Variants in CADPS observed in about 807,000 individuals in gnomAD.
CADPS encodes calcium dependent secretion activator, also known as calcium-dependent secretion activator 1.
Under a neutral mutation model 167.3 loss-of-function variants are expected in CADPS, and 57 were observed. That is an observed-to-expected ratio of 0.34 (90% CI 0.28 to 0.42). CADPS has a LOEUF of 0.42. CADPS is among the 20% of genes least tolerant of loss of function. The pLI is 1.00. For synonymous variants in CADPS, 676 were observed against 635.3 expected (o/e 1.06, Z -0.96); for missense variants, 1,414 against 1,738.1 (o/e 0.81, Z 3.32).
chr3:62,871,806 C>T (rs992710369), intron 1 of CADPS, among the ~76,000 whole-genome samples: 1 of 152,112 alleles, frequency 6.6e-6, no homozygotes, highest in Non-Finnish European at 1.5e-5. Flanking sequence ...ATGTCCCATA[C>T]TACTGTAAGA....
intron 1 of CADPS, among the ~76,000 whole-genome samples, chr3:62,806,936 A>G (rs1369236349): frequency 6.6e-6 from 1 of 152,132 alleles, no homozygotes; most frequent in East Asian, 1.9e-4. Flanking sequence ...TAACATTTAT[A>G]GTCTTGGGAC....
At chr3:62,850,209 C>A (rs1311314351) in intron 1 of CADPS, among the ~76,000 whole-genome samples, 1 of 135,620 alleles carries the variant, frequency 7.4e-6, no homozygotes, top group Admixed American at 7.4e-5. Context: ...TTTTGTTGAT[C>A]CTTTCAAAAA....
At chr3:62,515,917 G>A (rs1210177702) in intron 16 of CADPS, 142 bp downstream of exon 16, 1 of 945,778 alleles carries the variant, frequency 1.1e-6, no homozygotes, top group South Asian at 1.8e-5. Flanking sequence ...AGGAAACTTC[G>A]ACATTTCAGG....
intron 13 of CADPS, among the ~76,000 whole-genome samples, chr3:62,522,661 T>A (rs1225534205): frequency 6.6e-6 from 1 of 152,148 alleles, no homozygotes; most frequent in African/African-American, 2.4e-5. Flanking sequence ...AAAGCACATA[T>A]CTCTTCCTTC....
intron 6 of CADPS, among the ~76,000 whole-genome samples, chr3:62,628,589 C>T (rs1307316768): frequency 6.7e-6 from 1 of 150,088 alleles, no homozygotes. Context: ...TTTACACACA[C>T]ACACACACTC....
At chr3:62,461,210 C>T (rs2059306062) in intron 26 of CADPS, among the ~76,000 whole-genome samples, 1 of 152,232 alleles carries the variant, frequency 6.6e-6, no homozygotes, top group Admixed American at 6.5e-5. Context: ...AAGCACATAG[C>T]TTTGTGCCAG....
intron 28 of CADPS, among the ~76,000 whole-genome samples, chr3:62,411,287 C>T (rs1018727820): frequency 6.6e-6 from 1 of 152,176 alleles, no homozygotes; most frequent in African/African-American, 2.4e-5. Flanking sequence ...AACACAGCCA[C>T]ACCTCAGAGA....
At chr3:62,869,860 A>G (rs566707024) in intron 1 of CADPS, among the ~76,000 whole-genome samples, 7 of 152,136 alleles carry the variant, frequency 4.6e-5, no homozygotes, top group Non-Finnish European at 5.9e-5. Context: ...CAAATCACAG[A>G]TGCTGGTTAT....
At chr3:62,451,794 C>T (rs1331473726) in intron 26 of CADPS, among the ~76,000 whole-genome samples, 2 of 152,132 alleles carry the variant, frequency 1.3e-5, no homozygotes, top group Non-Finnish European at 2.9e-5. Context: ...TTTGAAATTT[C>T]TGCTGCAAGG....
intron 11 of CADPS, among the ~76,000 whole-genome samples, chr3:62,545,202 T>C (rs1460983184): frequency 6.6e-6 from 1 of 152,048 alleles, no homozygotes. Context: ...TAAATAACCA[T>C]TGATCAAATG....
At chr3:62,676,920 G>A (rs915413540) in intron 3 of CADPS, among the ~76,000 whole-genome samples, 1 of 152,188 alleles carries the variant, frequency 6.6e-6, no homozygotes, top group Non-Finnish European at 1.5e-5. Context: ...ATGCAGGAAG[G>A]ATGGAAGGGA....
chr3:62,816,654 A>G (rs1399433196), intron 1 of CADPS, among the ~76,000 whole-genome samples: 1 of 151,800 alleles, frequency 6.6e-6, no homozygotes, highest in Admixed American at 6.6e-5. Flanking sequence ...ACATGACCTC[A>G]CTACCTTTGC....
chr3:62,565,531 T>G (rs913163058), intron 9 of CADPS, among the ~76,000 whole-genome samples: 1 of 152,162 alleles, frequency 6.6e-6, no homozygotes, highest in Non-Finnish European at 1.5e-5. Flanking sequence ...CCAGACTTAC[T>G]GTATCAGAGT....
At chr3:62,539,945 GC>G (rs1430877655) in intron 11 of CADPS, among the ~76,000 whole-genome samples, 1 of 152,088 alleles carries the variant, frequency 6.6e-6, no homozygotes, top group Non-Finnish European at 1.5e-5. Context: ...GGCCTCCTTG[GC>G]CTCATTTGTA....
chr3:62,573,877 G>C (rs1188295858), intron 8 of CADPS, among the ~76,000 whole-genome samples: 1 of 152,152 alleles, frequency 6.6e-6, no homozygotes, highest in Non-Finnish European at 1.5e-5. Context: ...ATAGAAACAT[G>C]TTCTTCTTTC....
At chr3:62,568,725 C>G (rs1482221758) in intron 9 of CADPS, among the ~76,000 whole-genome samples, 1 of 152,218 alleles carries the variant, frequency 6.6e-6, no homozygotes, top group Non-Finnish European at 1.5e-5. Flanking sequence ...AATGCCCTTT[C>G]TTATATACAT....
chr3:62,744,147 T>A (rs1306977843), intron 3 of CADPS, among the ~76,000 whole-genome samples: 5 of 152,138 alleles, frequency 3.3e-5, no homozygotes, highest in Non-Finnish European at 7.4e-5. Flanking sequence ...AGGCTTGTTA[T>A]GAGGATTAAA....
chr3:62,652,399 C>A (rs866868553), intron 4 of CADPS, among the ~76,000 whole-genome samples: 11 of 120,242 alleles, frequency 9.1e-5, no homozygotes, highest in African/African-American at 3.3e-4. Flanking sequence ...TCTGTGTGGC[C>A]AAAAAAAAAA....
At chr3:62,571,802 G>A (rs1490676696) in intron 8 of CADPS, among the ~76,000 whole-genome samples, 1 of 152,152 alleles carries the variant, frequency 6.6e-6, no homozygotes, top group African/African-American at 2.4e-5. Context: ...AACCTCAGTT[G>A]ATCCACCCGC....
Sources: allele counts gnomAD v4.1 joint callset (sites outside exome capture counted in the v4.1 genomes callset), GRCh38; gene constraint gnomAD v4.1.1; transcripts MANE v1.5; gene names NCBI Gene and HGNC (gene_info 2026-07-23, HGNC 2026-07-21).